The following SLC44A1 variants were observed in gnomAD, a reference collection of about 807,000 sequenced individuals.
SLC44A1 encodes solute carrier family 44 member 1.
SLC44A1 carries 26 observed loss-of-function variants against 79.3 expected under a neutral mutation model. That is an observed-to-expected ratio of 0.33 (90% CI 0.24 to 0.46). The LOEUF (loss-of-function observed/expected upper bound fraction) is 0.46. SLC44A1 is among the 20% of genes least tolerant of loss of function. The pLI is 1.00. For missense variants in SLC44A1, 688 were observed against 798.1 expected (o/e 0.86, Z 1.66); for synonymous variants, 263 against 286.2 (o/e 0.92, Z 0.82).
chr9:105,279,567 C>T (rs1158279247), intron 1 of SLC44A1, among the ~76,000 whole-genome samples: 1 of 152,096 alleles, frequency 6.6e-6, no homozygotes, highest in African/African-American at 2.4e-5. Flanking sequence ...CCGCCCGCCT[C>T]GGCCTCCCAA....
At chr9:105,311,221 C>T (rs1831172077) in intron 3 of SLC44A1, among the ~76,000 whole-genome samples, 1 of 152,102 alleles carries the variant, frequency 6.6e-6, no homozygotes, top group Non-Finnish European at 1.5e-5. Context: ...ACTTTAGACT[C>T]ATATAAGTTG....
At chr9:105,310,706 T>C (rs1564429488) in intron 3 of SLC44A1, among the ~76,000 whole-genome samples, 6 of 152,216 alleles carry the variant, frequency 3.9e-5, no homozygotes, top group Non-Finnish European at 4.4e-5. Flanking sequence ...TGGTATGTAA[T>C]AACTGTATTT....
chr9:105,271,592 G>T (rs891946019), intron 1 of SLC44A1, among the ~76,000 whole-genome samples: 2 of 152,096 alleles, frequency 1.3e-5, no homozygotes, highest in African/African-American at 4.8e-5. Context: ...GTGAAGTCTG[G>T]CCAGAAAGGT....
Position 105,362,809 on chromosome 9 carries a change from C to G in SLC44A1, c.901-12C>G. ...ACTTATAATAATAACTGAAACCATT[C>G]TCTCCATACAGGTGATCTTATTCCT... is the stretch of plus-strand genomic sequence containing the variant. On this transcript the variant is annotated splice_polypyrimidine_tract_variant and intron_variant, in intron 8 of 15. Transcript: ENST00000374720. 1.3e-6 allele frequency: 2 copies of G among 1,528,862 alleles called. No homozygotes were observed. Among genetic ancestry groups the G allele is most frequent in the African/African-American group, 1.4e-5 (1 of 70,988 alleles). 94.7% of individuals were successfully genotyped at this position (1,528,862 alleles called of 1,614,324 possible).
chr9:105,424,212 A>T (rs1368184637), intron 15 of SLC44A1, among the ~76,000 whole-genome samples: 1 of 152,030 alleles, frequency 6.6e-6, no homozygotes, highest in East Asian at 1.9e-4. Context: ...CCACCATGGG[A>T]TTAAGGGGAC....
Position 105,394,131 on chromosome 9 carries a change from C to A in SLC44A1, c.*5075C>A, listed in dbSNP as rs1006867285. The A allele has an allele frequency of 1.0e-6, 1 of 985,392 alleles. No homozygotes were observed. Among genetic ancestry groups the A allele is most frequent in the Non-Finnish European group, 1.2e-6 (1 of 829,934 alleles). The allele number at this position is 985,392 out of a possible 1,614,324, so 61.0% of individuals were successfully genotyped here. A position where few individuals can be genotyped will look rare whatever the true frequency, so the allele number is the denominator to read the frequency against. ...AGGGCCCTCAGACGGCCAGCTTCCA[C>A]CCCTGTACCCCCTCAGGGGCTAATG... On this transcript the variant is annotated 3_prime_UTR_variant, in exon 16 of 16. Coordinates refer to ENST00000374720, the MANE Select transcript of SLC44A1 (RefSeq NM_080546.5).
chr9:105,357,574 A>G (rs1476213990), intron 6 of SLC44A1, among the ~76,000 whole-genome samples: 1 of 152,196 alleles, frequency 6.6e-6, no homozygotes, highest in Non-Finnish European at 1.5e-5. Flanking sequence ...ATTATTTCAG[A>G]AACGTATTTC....
At chr9:105,286,397 A>G (rs1384891731) in intron 1 of SLC44A1, among the ~76,000 whole-genome samples, 4 of 152,218 alleles carry the variant, frequency 2.6e-5, no homozygotes, top group Non-Finnish European at 4.4e-5. Flanking sequence ...AATAATAACA[A>G]CATCAACTTC....
intron 3 of SLC44A1, among the ~76,000 whole-genome samples, chr9:105,323,215 C>CAAAA (rs575818228): frequency 7.4e-4 from 56 of 75,718 alleles, no homozygotes; most frequent in East Asian, 1.8e-3. Context: ...AACTCCATCT[C>CAAAA]AAAAAAAAAA....
At chr9:105,328,510 A>G (rs1430736358) in intron 3 of SLC44A1, among the ~76,000 whole-genome samples, 1 of 152,218 alleles carries the variant, frequency 6.6e-6, no homozygotes, top group Non-Finnish European at 1.5e-5. Flanking sequence ...CTTGAGGAAC[A>G]GAAAGGAGAC....
intron 3 of SLC44A1, among the ~76,000 whole-genome samples, chr9:105,330,457 T>G (rs1826714848): frequency 6.6e-6 from 1 of 152,216 alleles, no homozygotes; most frequent in Non-Finnish European, 1.5e-5. Flanking sequence ...TTCTCCTATC[T>G]TCAGTAAAGA....
At chr9:105,415,982 A>G (rs1380921343) in intron 15 of SLC44A1, among the ~76,000 whole-genome samples, 1 of 147,792 alleles carries the variant, frequency 6.8e-6, no homozygotes, top group African/African-American at 2.5e-5. Context: ...GCTCGCTGCA[A>G]CCTCCACCTC....
chr9:105,304,610 C>G (rs982388592), intron 2 of SLC44A1, among the ~76,000 whole-genome samples: 17 of 152,114 alleles, frequency 1.1e-4, no homozygotes, highest in African/African-American at 4.1e-4. Context: ...TCTGCTTTCC[C>G]TTAGAATCAT....
In SLC44A1 at chr9:105,391,124, A is replaced by G. The variant is rs888219969; in HGVS notation, c.*2068A>G. Reference sequence around the variant, plus strand: ...CAAAACAGAAGACATTCCAGGAGCTAGCAATTTTAAGAGGTGTCCCTCCAA... The same window carrying G: ...CAAAACAGAAGACATTCCAGGAGCTGGCAATTTTAAGAGGTGTCCCTCCAA... On this transcript the variant is annotated 3_prime_UTR_variant, in exon 16 of 16. Transcript: ENST00000374720. 4 of 985,594 alleles carry G rather than the reference A, an allele frequency of 4.1e-6. No individual in the cohort carries two copies. The African/African-American group carries it at 7.0e-5, about 17-fold the overall frequency. 61.1% of individuals were successfully genotyped at this position (985,594 alleles called of 1,614,324 possible).
Position 105,392,955 on chromosome 9 carries a change from T to G in SLC44A1, c.*3899T>G. ...TCTTTACTGCTTTTCTACTGCTACT[T>G]TAAAAAAAAAACAACAACAACAAAT... On this transcript the variant is annotated 3_prime_UTR_variant, in exon 16 of 16. Coordinates refer to ENST00000374720, the MANE Select transcript of SLC44A1 (RefSeq NM_080546.5). The G allele has an allele frequency of 2.0e-6, 2 of 983,094 alleles. No homozygotes were observed. The highest frequency in any genetic ancestry group is 2.4e-6 in the Non-Finnish European group (2 of 828,612). 60.9% of individuals were successfully genotyped at this position (983,094 alleles called of 1,614,324 possible).
intron 15 of SLC44A1, among the ~76,000 whole-genome samples, chr9:105,435,730 C>A (rs1829455709): frequency 6.6e-6 from 1 of 152,024 alleles, no homozygotes; most frequent in South Asian, 2.1e-4. Flanking sequence ...GTTGAGAGGA[C>A]CTTACAGTAT....
At chr9:105,246,557 G>A (rs1336982454) in intron 1 of SLC44A1, among the ~76,000 whole-genome samples, 9 of 152,084 alleles carry the variant, frequency 5.9e-5, no homozygotes, top group Non-Finnish European at 1.5e-5. Context: ...AACATATAAA[G>A]GTGTAGAATT....
At position 105,291,794 on chromosome 9, in the gene SLC44A1, G is replaced by T. The variant is rs540714451; in HGVS notation, c.37-7426G>T. On this transcript the variant is annotated intron_variant, in intron 1 of 15. Coordinates refer to ENST00000374720, the MANE Select transcript of SLC44A1 (RefSeq NM_080546.5). ...TGCTTGTCATGAGGTATAGGCTTCA[G>T]GTTATATGGGATTCCTGGCCTGCCA... is the stretch of plus-strand genomic sequence containing the variant. Among the ~76,000 whole-genome samples the T allele has an allele frequency of 3.9e-5, 6 of 152,270 alleles. No individual in the cohort carries two copies. In the East Asian group the frequency reaches 1.2e-3, roughly 29 times the overall value.
intron 2 of SLC44A1, among the ~76,000 whole-genome samples, chr9:105,305,268 C>G (rs1437280028): frequency 6.6e-6 from 1 of 151,960 alleles, no homozygotes; most frequent in Non-Finnish European, 1.5e-5. Flanking sequence ...CTGCTCCTGG[C>G]CTCATTCTTT....
Sources: allele counts gnomAD v4.1 joint callset (sites outside exome capture counted in the v4.1 genomes callset), GRCh38; gene constraint gnomAD v4.1.1; transcripts MANE v1.5; gene names NCBI Gene and HGNC (gene_info 2026-07-23, HGNC 2026-07-21).